STXBP5L: variants seen among roughly 807,000 people sequenced by gnomAD.
The protein encoded by STXBP5L is syntaxin-binding protein 5-like.
Under a neutral mutation model 144.5 loss-of-function variants are expected in STXBP5L, and 65 were observed. That is an observed-to-expected ratio of 0.45 (90% CI 0.37 to 0.55). The LOEUF (loss-of-function observed/expected upper bound fraction) is 0.55, where lower values mean the gene tolerates loss of function less well. Among genes scored for constraint, STXBP5L ranks in the 20% least tolerant of loss-of-function variants. The pLI, the probability that STXBP5L is intolerant of heterozygous loss-of-function variation, is 0.00. For missense variants in STXBP5L, 1,298 were observed against 1,405.5 expected (o/e 0.92, Z 1.22); for synonymous variants, 505 against 469.6 (o/e 1.08, Z -0.97).
chr3:121,377,551 G>A (rs1208504196), intron 20 of STXBP5L, among the ~76,000 whole-genome samples: 3 of 150,428 alleles, frequency 2.0e-5, no homozygotes, highest in African/African-American at 7.3e-5. Context: ...CAAAAGAAGT[G>A]GCCAAAAAAC....
At chr3:121,344,573 T>C (rs1239468832) in intron 20 of STXBP5L, among the ~76,000 whole-genome samples, 8 of 152,038 alleles carry the variant, frequency 5.3e-5, no homozygotes, top group Non-Finnish European at 4.4e-5. Context: ...TAAGCAATGG[T>C]GATAAATATG....
At chr3:121,124,378 G>A (rs946887762) in intron 7 of STXBP5L, among the ~76,000 whole-genome samples, 2 of 151,880 alleles carry the variant, frequency 1.3e-5, no homozygotes, top group African/African-American at 4.8e-5. Flanking sequence ...TGAAATTCGA[G>A]TGTATAACTT....
intron 19 of STXBP5L, among the ~76,000 whole-genome samples, chr3:121,299,050 G>A (rs748368233): frequency 1.3e-5 from 2 of 152,068 alleles, no homozygotes; most frequent in Non-Finnish European, 2.9e-5. Flanking sequence ...ATTTTCAATT[G>A]TATTTGCTCT....
chr3:120,958,010 G>A (rs1938245860), intron 3 of STXBP5L, among the ~76,000 whole-genome samples: 1 of 152,030 alleles, frequency 6.6e-6, no homozygotes, highest in South Asian at 2.1e-4. Flanking sequence ...TAGACCGCTA[G>A]CAAGACTAAT....
At chr3:121,327,616 G>A (rs1026796120) in intron 20 of STXBP5L, among the ~76,000 whole-genome samples, 3 of 152,200 alleles carry the variant, frequency 2.0e-5, no homozygotes, top group Middle Eastern at 6.8e-3. Flanking sequence ...CCCAATCTGT[G>A]GGGATGCTTT....
intron 9 of STXBP5L, among the ~76,000 whole-genome samples, chr3:121,168,042 G>T (rs1201828332): frequency 1.3e-5 from 2 of 152,136 alleles, no homozygotes; most frequent in Admixed American, 6.6e-5. Flanking sequence ...GGCAAACAGG[G>T]TCTGGAGTGG....
chr3:121,223,004 G>A lies in STXBP5L; in HGVS notation c.958G>A (p.Glu320Lys), dbSNP rs757487745. ...TCATTCATGTTTTTTCCTATGTAGC[G>A]AACCATTCATAATATTCTCTGGTGG... is the stretch of plus-strand genomic sequence containing the variant. ...KVEYKTCKNS[E>K]PFIIFSGGLS... Residue 320 changes from glutamate to lysine, a missense_variant and splice_region_variant, in exon 11 of 27, where the codon GAA becomes AAA. Glu to Lys is a moderately conservative substitution (Grantham distance 56). Coordinates refer to ENST00000471454, the MANE Select transcript of STXBP5L (RefSeq NM_001308330.2). The A allele has an allele frequency of 9.4e-6, 15 of 1,597,352 alleles. No individual in the cohort carries two copies. The highest frequency in any genetic ancestry group is 3.6e-5 in the Admixed American group (2 of 55,778).
chr3:121,343,257 G>A (rs111475652), intron 20 of STXBP5L, among the ~76,000 whole-genome samples: 18,270 of 151,914 alleles, frequency 0.12, 1,160 homozygotes, highest in Non-Finnish European at 0.14. Context: ...TTTGTCAGAT[G>A]GGTAGGTTGC....
chr3:121,054,624 G>T (rs1226399758), intron 5 of STXBP5L, among the ~76,000 whole-genome samples: 2 of 150,254 alleles, frequency 1.3e-5, no homozygotes, highest in Non-Finnish European at 3.0e-5. Flanking sequence ...AGCATTAGGA[G>T]ATATACCTAA....
chr3:120,952,425 G>T (rs1240089974), intron 2 of STXBP5L, among the ~76,000 whole-genome samples: 3 of 151,558 alleles, frequency 2.0e-5, no homozygotes. Context: ...TTATTCCTTT[G>T]GATTCTACTT....
At chr3:121,282,445 A>G (rs1340958926) in intron 19 of STXBP5L, 2 of 1,023,078 alleles carry the variant, frequency 2.0e-6, no homozygotes, top group Admixed American at 5.2e-5. Flanking sequence ...TTCAGCATGC[A>G]TGCAAATTTT....
intron 3 of STXBP5L, among the ~76,000 whole-genome samples, chr3:121,001,905 C>T (rs562714021): frequency 6.6e-6 from 1 of 152,160 alleles, no homozygotes; most frequent in African/African-American, 2.4e-5. Flanking sequence ...TTTTTCAAGG[C>T]CGAATAATAT....
intron 2 of STXBP5L, among the ~76,000 whole-genome samples, chr3:120,923,044 G>C (rs1709433031): frequency 6.6e-6 from 1 of 151,712 alleles, no homozygotes; most frequent in Admixed American, 6.6e-5. Flanking sequence ...GGTTTGTTGA[G>C]GTTTTCTATC....
intron 3 of STXBP5L, among the ~76,000 whole-genome samples, chr3:121,012,726 G>T (rs1944873425): frequency 6.6e-6 from 1 of 151,784 alleles, no homozygotes; most frequent in African/African-American, 2.4e-5. Context: ...TGCATGTGCA[G>T]GTTTGTTACA....
rs1447926982 is a variant in STXBP5L, at chr3:121,082,918, G to A, written c.471-32007G>A. 2.6e-5 allele frequency among the ~76,000 whole-genome samples: 4 copies of A among 152,140 alleles called. 1 individual carries two copies. The highest frequency in any genetic ancestry group is 5.9e-5 in the Non-Finnish European group (4 of 68,020). ...TTTTGTTAAGAACTTTTACATTTGGGCTGGGCGTGGTGGCTCATGCCTGTA... is the reference window on the plus strand; with the variant it reads ...TTTTGTTAAGAACTTTTACATTTGGACTGGGCGTGGTGGCTCATGCCTGTA... On this transcript the variant is annotated intron_variant, in intron 5 of 26. Coordinates refer to ENST00000471454, the MANE Select transcript of STXBP5L (RefSeq NM_001308330.2).
At position 121,157,614 on chromosome 3, in the gene STXBP5L, C is replaced by G; in HGVS notation, c.864C>G (p.Thr288=). 6.3e-7 allele frequency: 1 copy of G among 1,599,950 alleles called. No individual in the cohort carries two copies. The highest frequency in any genetic ancestry group is 8.5e-7 in the Non-Finnish European group (1 of 1,174,660). Residue 288 remains threonine, a synonymous_variant, in exon 9 of 27, where the codon ACC becomes ACG. Transcript: ENST00000471454. ...NLKSPSRPFQ[T]TIPHGKSQRE... ...AAAGCCCAAGTCGCCCTTTCCAGAC[C>G]ACAATTCCACATGGTAAGATGTATG...
chr3:120,994,484 A>G (rs1943182463), intron 3 of STXBP5L, among the ~76,000 whole-genome samples: 1 of 151,914 alleles, frequency 6.6e-6, no homozygotes, highest in African/African-American at 2.4e-5. Flanking sequence ...TTTGTTGAGC[A>G]TTTTTTATTT....
chr3:121,350,675 C>T (rs1274297105), intron 20 of STXBP5L, among the ~76,000 whole-genome samples: 1 of 151,898 alleles, frequency 6.6e-6, no homozygotes, highest in South Asian at 2.1e-4. Context: ...TTCTTTTTTT[C>T]GTTAAACTTC....
intron 9 of STXBP5L, among the ~76,000 whole-genome samples, chr3:121,182,086 A>G (rs1270353803): frequency 6.6e-6 from 1 of 152,338 alleles, no homozygotes; most frequent in South Asian, 2.1e-4. Context: ...GGAGACTTCA[A>G]TACTCCACTG....
Sources: gnomAD v4.1 joint callset for allele counts (sites outside exome capture counted in the v4.1 genomes callset) on GRCh38, gnomAD v4.1.1 for gene constraint, MANE v1.5 for transcripts, NCBI Gene and HGNC (gene_info 2026-07-23, HGNC 2026-07-21) for gene names.